The following XKR6 variants were observed in gnomAD, a reference collection of about 807,000 sequenced individuals.
The protein encoded by XKR6 is XK-related protein 6.
XKR6 carries 22 observed loss-of-function variants against 56.7 expected under a neutral mutation model. That is an observed-to-expected ratio of 0.39 (90% CI 0.28 to 0.55). The LOEUF is 0.55. Among genes scored for constraint, XKR6 ranks in the 20% least tolerant of loss-of-function variants. XKR6 has a pLI of 0.66. For missense variants in XKR6, 852 were observed against 889.0 expected, an observed-to-expected ratio of 0.96 and a Z score of 0.53; for synonymous variants, 524 against 387.8, an observed-to-expected ratio of 1.35 and a Z score of -4.13.
At chr8:11,133,451 A>G (rs565608178) in intron 1 of XKR6, among the ~76,000 whole-genome samples, 2 of 152,198 alleles carry the variant, frequency 1.3e-5, no homozygotes, top group Admixed American at 6.5e-5. Flanking sequence ...GAGGGCAAAA[A>G]CTAGGAGGAG....
intron 1 of XKR6, among the ~76,000 whole-genome samples, chr8:11,077,174 C>T (rs1800295790): frequency 6.6e-6 from 1 of 152,164 alleles, no homozygotes. Context: ...AAGACTCTGT[C>T]TCTAAGAAAA....
At chr8:10,909,109 T>C (rs1014331036) in intron 2 of XKR6, among the ~76,000 whole-genome samples, 8 of 151,280 alleles carry the variant, frequency 5.3e-5, no homozygotes, top group Non-Finnish European at 1.0e-4. Context: ...GAGGTTGCAG[T>C]GAGCTGAGAT....
chr8:11,177,615 T>A (rs1192604240), intron 1 of XKR6, among the ~76,000 whole-genome samples: 1 of 152,158 alleles, frequency 6.6e-6, no homozygotes, highest in Non-Finnish European at 1.5e-5. Context: ...GGTTTCCTTA[T>A]AAGGAGAGGA....
At chr8:10,908,740 A>G (rs1225462919) in intron 2 of XKR6, among the ~76,000 whole-genome samples, 1 of 152,204 alleles carries the variant, frequency 6.6e-6, no homozygotes, top group Admixed American at 6.5e-5. Flanking sequence ...CTTAATCACC[A>G]TTACAGCATT....
At chr8:11,172,485 T>C (rs1020542472) in intron 1 of XKR6, among the ~76,000 whole-genome samples, 1 of 152,176 alleles carries the variant, frequency 6.6e-6, no homozygotes, top group Admixed American at 6.5e-5. Flanking sequence ...TCAGGGTGTT[T>C]TGTTCCAAAT....
intron 1 of XKR6, among the ~76,000 whole-genome samples, chr8:11,013,646 G>A (rs1201992555): frequency 6.6e-6 from 1 of 152,188 alleles, no homozygotes; most frequent in Non-Finnish European, 1.5e-5. Flanking sequence ...TGGTGGGAAT[G>A]TCCCCATCCA....
chr8:11,137,355 T>C (rs914616496), intron 1 of XKR6: 5 of 318,156 alleles, frequency 1.6e-5, no homozygotes, highest in Admixed American at 9.1e-5. Flanking sequence ...TTATAAAAAA[T>C]ACAAAGGAGT....
intron 1 of XKR6, chr8:11,066,888 CCA>C (rs1466697706): frequency 1.3e-5 from 2 of 152,244 alleles, no homozygotes; most frequent in African/African-American, 4.8e-5. Context: ...TCCCCGGAAC[CCA>C]CACTCCCATC....
intron 1 of XKR6, among the ~76,000 whole-genome samples, chr8:11,085,043 T>A (rs561602457): frequency 6.6e-6 from 1 of 152,098 alleles, no homozygotes; most frequent in African/African-American, 2.4e-5. Flanking sequence ...CATCCCTCCA[T>A]CCAGCCTTTG....
At chr8:10,964,304 C>T (rs548429175) in intron 1 of XKR6, among the ~76,000 whole-genome samples, 1 of 152,312 alleles carries the variant, frequency 6.6e-6, no homozygotes, top group East Asian at 1.9e-4. Flanking sequence ...CCTTCTAGGA[C>T]ACCTGTTTGC....
chr8:11,189,547 T>A (rs1045792168), intron 1 of XKR6, among the ~76,000 whole-genome samples: 3 of 152,192 alleles, frequency 2.0e-5, no homozygotes, highest in Non-Finnish European at 4.4e-5. Flanking sequence ...GGACCTTCTT[T>A]TATCCATTCC....
At chr8:10,924,930 C>G (rs532106079) in intron 1 of XKR6, 100 bp from the exon 2 acceptor site, 1 of 1,318,390 alleles carries the variant, frequency 7.6e-7, no homozygotes, top group Non-Finnish European at 1.0e-6. Flanking sequence ...CAGCATCCCC[C>G]CAACTCCCTA....
chr8:11,075,880 C>CA (rs978585911), intron 1 of XKR6, among the ~76,000 whole-genome samples: 8 of 151,554 alleles, frequency 5.3e-5, no homozygotes, highest in African/African-American at 7.3e-5. Context: ...CCCCCCGACC[C>CA]AAAAAAAACG....
At chr8:10,940,504 C>T (rs965163150) in intron 1 of XKR6, among the ~76,000 whole-genome samples, 1 of 152,182 alleles carries the variant, frequency 6.6e-6, no homozygotes, top group Non-Finnish European at 1.5e-5. Context: ...CCTGTGTCCC[C>T]CAAGTGGCAT....
chr8:11,093,077 C>T (rs534859427), intron 1 of XKR6, among the ~76,000 whole-genome samples: 16 of 151,634 alleles, frequency 1.1e-4, no homozygotes, highest in African/African-American at 1.9e-4. Flanking sequence ...TTCTTTTAGA[C>T]GGAGTTTCAC....
chr8:11,102,911 T>C (rs1372080547), intron 1 of XKR6, among the ~76,000 whole-genome samples: 1 of 152,160 alleles, frequency 6.6e-6, no homozygotes, highest in Non-Finnish European at 1.5e-5. Flanking sequence ...ACCTATAAGG[T>C]GGTCATCAAC....
chr8:11,195,779 G>C (rs564719449), intron 1 of XKR6, among the ~76,000 whole-genome samples: 7 of 151,654 alleles, frequency 4.6e-5, no homozygotes, highest in African/African-American at 1.7e-4. Context: ...CTCCTGAGTA[G>C]CTGGGACTAC....
At chr8:10,960,257 A>T (rs1032359226) in intron 1 of XKR6, among the ~76,000 whole-genome samples, 2 of 151,474 alleles carry the variant, frequency 1.3e-5, no homozygotes, top group Non-Finnish European at 3.0e-5. Flanking sequence ...AGGTGCAGGT[A>T]TAGCAGGTGG....
chr8:11,097,395 T>A (rs1450090096), intron 1 of XKR6, among the ~76,000 whole-genome samples: 1 of 151,718 alleles, frequency 6.6e-6, no homozygotes, highest in African/African-American at 2.4e-5. Context: ...ACTTGAGCAA[T>A]ATGCCACTTT....
Sources: gnomAD v4.1 joint callset for allele counts (sites outside exome capture counted in the v4.1 genomes callset) on GRCh38, gnomAD v4.1.1 for gene constraint, MANE v1.5 for transcripts, NCBI Gene and HGNC (gene_info 2026-07-23, HGNC 2026-07-21) for gene names.